The following CLSTN2 variants were observed in gnomAD, a reference collection of about 807,000 sequenced individuals.
CLSTN2 encodes the protein calsyntenin 2.
CLSTN2 carries 48 observed loss-of-function variants against 101.2 expected under a neutral mutation model. That is an observed-to-expected ratio of 0.47 (90% CI 0.38 to 0.60). The LOEUF (loss-of-function observed/expected upper bound fraction) is 0.60. Among genes scored for constraint, CLSTN2 ranks in the 20% least tolerant of loss-of-function variants. The pLI is 0.00. For synonymous variants in CLSTN2, 481 were observed against 463.6 expected, an observed-to-expected ratio of 1.04 and a Z score of -0.48; for missense variants, 1,160 against 1,238.2, an observed-to-expected ratio of 0.94 and a Z score of 0.95.
intron 8 of CLSTN2, among the ~76,000 whole-genome samples, chr3:140,518,144 C>T (rs147834014): frequency 5.7e-4 from 87 of 152,304 alleles, no homozygotes; most frequent in Non-Finnish European, 6.8e-4. Flanking sequence ...CTCACTTCCA[C>T]CATACTTATC....
intron 5 of CLSTN2, among the ~76,000 whole-genome samples, chr3:140,426,879 TA>T (rs1455868095): frequency 6.6e-6 from 1 of 152,070 alleles, no homozygotes; most frequent in African/African-American, 2.4e-5. Context: ...AAGCATCACT[TA>T]AAGAGAGAAT....
intron 2 of CLSTN2, among the ~76,000 whole-genome samples, chr3:140,215,031 T>C (rs1365586706): frequency 6.6e-6 from 1 of 152,230 alleles, no homozygotes; most frequent in Non-Finnish European, 1.5e-5. Flanking sequence ...TTTTAGTAAC[T>C]GCACTTCTTG....
chr3:140,394,310 G>C (rs575196756), intron 2 of CLSTN2, among the ~76,000 whole-genome samples: 6 of 152,244 alleles, frequency 3.9e-5, no homozygotes, highest in South Asian at 4.1e-4. Context: ...TGAAGAGTTG[G>C]GATTTGAATC....
intron 6 of CLSTN2, 115 bp downstream of exon 6, chr3:140,448,819 G>A: frequency 1.1e-6 from 1 of 902,652 alleles, no homozygotes; most frequent in Non-Finnish European, 1.7e-6. Context: ...GCACTGATAT[G>A]TGTAACTCCT....
intron 1 of CLSTN2, among the ~76,000 whole-genome samples, chr3:140,026,890 G>T (rs533242394): frequency 2.6e-5 from 4 of 152,190 alleles, no homozygotes; most frequent in Non-Finnish European, 5.9e-5. Context: ...TGGCTGGATC[G>T]CAGGTCCCTG....
intron 1 of CLSTN2, among the ~76,000 whole-genome samples, chr3:140,127,794 G>C (rs984341681): frequency 6.6e-6 from 1 of 152,246 alleles, no homozygotes; most frequent in Admixed American, 6.5e-5. Flanking sequence ...AAAGCAGGTA[G>C]AACAGGGCTG....
At chr3:140,120,268 T>C (rs2009317797) in intron 1 of CLSTN2, among the ~76,000 whole-genome samples, 1 of 152,152 alleles carries the variant, frequency 6.6e-6, no homozygotes, top group Admixed American at 6.5e-5. Context: ...GTTAATTTGT[T>C]GGAGTGGCTC....
chr3:140,184,907 A>T lies in CLSTN2; in HGVS notation c.232+8834A>T, dbSNP rs1331408032. On this transcript the variant is annotated intron_variant, in intron 2 of 16. Coordinates refer to ENST00000458420, the MANE Select transcript of CLSTN2 (RefSeq NM_022131.3). ...AATTTTCTTCCCGCACATATACACC[A>T]TGGGAAGGAAAACTCAGTAAGACTC... Among the ~76,000 whole-genome samples the T allele has an allele frequency of 3.9e-5, 6 of 152,098 alleles. 1 individual carries two copies. Among genetic ancestry groups the T allele is most frequent in the Admixed American group, 3.9e-4 (6 of 15,272 alleles).
intron 2 of CLSTN2, among the ~76,000 whole-genome samples, chr3:140,349,104 G>A (rs1037834507): frequency 4.6e-5 from 7 of 152,172 alleles, no homozygotes; most frequent in Admixed American, 3.3e-4. Flanking sequence ...TTCTTATGAG[G>A]TGGTTTTATA....
chr3:140,033,336 T>G lies in CLSTN2; in HGVS notation c.109+97853T>G, dbSNP rs1490082477. Among the ~76,000 whole-genome samples, 4 of 152,302 alleles carry G rather than the reference T, an allele frequency of 2.6e-5. No homozygotes were observed. In the East Asian group the frequency reaches 7.7e-4, roughly 29 times the overall value. The stretch of plus-strand genomic sequence containing the variant: ...GCTTCACAGTGATAGTCAAATAATT[T>G]TTATTGAGTGCCTTTCTTATGCCAG... On this transcript the variant is annotated intron_variant, in intron 1 of 16. Coordinates refer to ENST00000458420, the MANE Select transcript of CLSTN2 (RefSeq NM_022131.3).
chr3:140,363,326 C>G (rs1359874136), intron 2 of CLSTN2, among the ~76,000 whole-genome samples: 4 of 152,126 alleles, frequency 2.6e-5, no homozygotes, highest in Non-Finnish European at 5.9e-5. Context: ...CTGCCTGGAA[C>G]TAGGGGTGAG....
intron 4 of CLSTN2, among the ~76,000 whole-genome samples, chr3:140,409,668 C>T (rs529065785): frequency 6.6e-6 from 1 of 152,102 alleles, no homozygotes; most frequent in East Asian, 1.9e-4. Flanking sequence ...GTGGTAGCAC[C>T]AAAGCAACAC....
At chr3:140,029,331 A>G (rs2007498054) in intron 1 of CLSTN2, among the ~76,000 whole-genome samples, 1 of 152,176 alleles carries the variant, frequency 6.6e-6, no homozygotes, top group Admixed American at 6.5e-5. Flanking sequence ...TACATCTTAA[A>G]GATAGCAAAA....
chr3:140,022,593 G>T (rs1460511692), intron 1 of CLSTN2, among the ~76,000 whole-genome samples: 1 of 152,198 alleles, frequency 6.6e-6, no homozygotes, highest in Non-Finnish European at 1.5e-5. Context: ...GGGCTGTTTG[G>T]TAAGGCTCCA....
chr3:140,088,055 G>A (rs1426116616), intron 1 of CLSTN2, among the ~76,000 whole-genome samples: 1 of 152,100 alleles, frequency 6.6e-6, no homozygotes, highest in East Asian at 1.9e-4. Flanking sequence ...AGGAGAGTTT[G>A]GTATCTCATC....
intron 1 of CLSTN2, among the ~76,000 whole-genome samples, chr3:140,043,957 G>A (rs78255642): frequency 5.9e-5 from 9 of 152,290 alleles, no homozygotes; most frequent in South Asian, 2.1e-4. Flanking sequence ...GTCAGGTAGC[G>A]TGATGCCTCC....
At chr3:140,003,511 T>C (rs2006890212) in intron 1 of CLSTN2, among the ~76,000 whole-genome samples, 1 of 152,218 alleles carries the variant, frequency 6.6e-6, no homozygotes, top group South Asian at 2.1e-4. Context: ...CCAATTTGGA[T>C]GCCCTTTATA....
chr3:140,338,247 G>A (rs2087461389), intron 2 of CLSTN2, among the ~76,000 whole-genome samples: 1 of 151,994 alleles, frequency 6.6e-6, no homozygotes, highest in Admixed American at 6.6e-5. Flanking sequence ...GAAACTTAGT[G>A]ATAGATCTCC....
At chr3:140,418,846 G>A (rs1465418189) in intron 4 of CLSTN2, among the ~76,000 whole-genome samples, 2 of 151,862 alleles carry the variant, frequency 1.3e-5, no homozygotes, top group Non-Finnish European at 2.9e-5. Context: ...CAGTGTCTTG[G>A]GCAACTTCGT....
Sources: gnomAD v4.1 joint callset for allele counts (sites outside exome capture counted in the v4.1 genomes callset) on GRCh38, gnomAD v4.1.1 for gene constraint, MANE v1.5 for transcripts, NCBI Gene and HGNC (gene_info 2026-07-23, HGNC 2026-07-21) for gene names.